The following CLNK variants were observed in gnomAD, a reference collection of about 807,000 sequenced individuals.
CLNK encodes cytokine-dependent hematopoietic cell linker.
Under a neutral mutation model 68.6 loss-of-function variants are expected in CLNK, and 74 were observed. That is an observed-to-expected ratio of 1.08 (90% CI 0.89 to 1.31). The LOEUF is 1.31. CLNK is among the 50% of genes most tolerant of loss of function. The probability of loss-of-function intolerance (pLI) is 0.00; values close to 1 mark genes in which losing one functional copy is unlikely to be tolerated. For synonymous variants in CLNK, 198 were observed against 172.2 expected, an observed-to-expected ratio of 1.15 and a Z score of -1.17; for missense variants, 553 against 515.3, an observed-to-expected ratio of 1.07 and a Z score of -0.71.
the CLNK span, among the ~76,000 whole-genome samples, chr4:10,714,203 G>T: frequency 6.6e-6 from 1 of 152,116 alleles, no homozygotes; most frequent in Non-Finnish European, 1.5e-5. Flanking sequence ...TCAAAATCAG[G>T]TTTGTGATTT....
rs1164521114 is a variant in CLNK at position 10,596,445 on chromosome 4, A to C, written c.83+1533T>G. Among the ~76,000 whole-genome samples the C allele has an allele frequency of 3.9e-5, 6 of 152,332 alleles. No homozygotes were observed. In the East Asian group the frequency reaches 1.2e-3, roughly 29 times the overall value. ...TCCTGATTCAATGGACTCATTCTAC[A>C]CTGCAATGCTGCCCATAAGTAGCTT... On this transcript the variant is annotated intron_variant, in intron 3 of 18. Coordinates refer to ENST00000226951, the MANE Select transcript of CLNK (RefSeq NM_052964.4).
At chr4:10,558,311 A>C (rs1719754113) in intron 8 of CLNK, 96 bp downstream of exon 8, 2 of 991,726 alleles carry the variant, frequency 2.0e-6, no homozygotes, top group African/African-American at 3.2e-5. Context: ...CTTGTGTAAG[A>C]TCACCCATGA....
chr4:10,585,017 A>C (rs937891203), intron 3 of CLNK, 62 bp from the exon 4 acceptor site: 28 of 1,565,842 alleles, frequency 1.8e-5, no homozygotes, highest in African/African-American at 2.7e-5. Flanking sequence ...ACCCCCCGCC[A>C]CATAGGAACA....
At chr4:10,638,198 T>C (rs1193298891) in intron 2 of CLNK, among the ~76,000 whole-genome samples, 2 of 152,180 alleles carry the variant, frequency 1.3e-5, no homozygotes, top group Non-Finnish European at 2.9e-5. Flanking sequence ...GACATTTCCT[T>C]ACCATACTGA....
intron 2 of CLNK, among the ~76,000 whole-genome samples, chr4:10,606,581 T>A (rs565244312): frequency 3.4e-4 from 52 of 152,382 alleles, no homozygotes; most frequent in Admixed American, 8.5e-4. Flanking sequence ...TTTTATATGC[T>A]GGCAGCACAG....
chr4:10,724,003 G>A, the CLNK span, among the ~76,000 whole-genome samples: 1 of 151,850 alleles, frequency 6.6e-6, no homozygotes, highest in Non-Finnish European at 1.5e-5. Flanking sequence ...AGCTATTTGA[G>A]CAGGAAGTTC....
At chr4:10,530,275 G>T (rs988972219) in intron 12 of CLNK, among the ~76,000 whole-genome samples, 1 of 152,144 alleles carries the variant, frequency 6.6e-6, no homozygotes, top group East Asian at 1.9e-4. Context: ...AGTACAAAAT[G>T]AGACAATGAG....
the CLNK span, among the ~76,000 whole-genome samples, chr4:10,718,538 A>G: frequency 2.4e-4 from 36 of 152,194 alleles, no homozygotes; most frequent in Middle Eastern, 3.4e-3. Context: ...AGCATTTTAT[A>G]TCTAGTAAAA....
At chr4:10,721,861 C>A in the CLNK span, among the ~76,000 whole-genome samples, 1 of 152,238 alleles carries the variant, frequency 6.6e-6, no homozygotes, top group Middle Eastern at 3.4e-3. Flanking sequence ...ATTGCCAAAG[C>A]CTGACATACT....
At chr4:10,498,024 T>C (rs1280670286) in intron 18 of CLNK, among the ~76,000 whole-genome samples, 2 of 152,148 alleles carry the variant, frequency 1.3e-5, no homozygotes, top group African/African-American at 2.4e-5. Context: ...GGAGCAACCC[T>C]GTCTCTATTA....
At chr4:10,726,554 A>G in the CLNK span, among the ~76,000 whole-genome samples, 65,682 of 152,042 alleles carry the variant, frequency 0.43, 15,023 homozygotes, top group East Asian at 0.69. Flanking sequence ...AGGTAAGGTT[A>G]CACTCCTAGG....
At chr4:10,672,800 C>A (rs567859313) in intron 1 of CLNK, among the ~76,000 whole-genome samples, 1 of 152,300 alleles carries the variant, frequency 6.6e-6, no homozygotes, top group South Asian at 2.1e-4. Flanking sequence ...GAGTGTCAGT[C>A]TATTCCCATC....
chr4:10,536,629 C>T (rs1478723694), intron 11 of CLNK, among the ~76,000 whole-genome samples: 1 of 152,138 alleles, frequency 6.6e-6, no homozygotes, highest in Non-Finnish European at 1.5e-5. Flanking sequence ...GGCACATGTG[C>T]CATCCACTGG....
the CLNK span, among the ~76,000 whole-genome samples, chr4:10,706,302 C>T: frequency 6.6e-6 from 1 of 152,152 alleles, no homozygotes. Flanking sequence ...GGCTGTGCTG[C>T]TATTACTATA....
At chr4:10,718,621 C>A in the CLNK span, among the ~76,000 whole-genome samples, 1 of 151,276 alleles carries the variant, frequency 6.6e-6, no homozygotes, top group Non-Finnish European at 1.5e-5. Context: ...TAGAAGAATT[C>A]GTCACTAGCA....
chr4:10,593,274 G>A (rs948168857), intron 3 of CLNK, among the ~76,000 whole-genome samples: 2 of 152,168 alleles, frequency 1.3e-5, no homozygotes, highest in Non-Finnish European at 2.9e-5. Flanking sequence ...GAGCAGTCAG[G>A]AGAGCGGGCA....
rs16870318 is a variant in CLNK at position 10,595,328 on chromosome 4, T to C, written c.83+2650A>G. Among the ~76,000 whole-genome samples, 949 of 152,312 alleles carry C rather than the reference T, an allele frequency of 6.2e-3. 18 individuals carry two copies. The East Asian group carries it at 0.066, about 11-fold the overall frequency. ...GCATATTGGGTGCTCAGTTATTGAG[T>C]GGAATTCGGATTTAATTGACAAATA... is the stretch of plus-strand genomic sequence containing the variant. On this transcript the variant is annotated intron_variant, in intron 3 of 18. Transcript: ENST00000226951.
At chr4:10,572,256 A>G (rs1720383093) in intron 4 of CLNK, among the ~76,000 whole-genome samples, 1 of 152,282 alleles carries the variant, frequency 6.6e-6, no homozygotes, top group Non-Finnish European at 1.5e-5. Context: ...GACAGAAGTC[A>G]TAGCTATTCA....
chr4:10,551,049 C>A (rs1193658616), intron 8 of CLNK, among the ~76,000 whole-genome samples: 1 of 152,156 alleles, frequency 6.6e-6, no homozygotes, highest in East Asian at 1.9e-4. Context: ...CTCAGGATTT[C>A]ATCGTGCCGC....
Sources: gnomAD v4.1 joint callset for allele counts (sites outside exome capture counted in the v4.1 genomes callset) on GRCh38, gnomAD v4.1.1 for gene constraint, MANE v1.5 for transcripts, NCBI Gene and HGNC (gene_info 2026-07-23, HGNC 2026-07-21) for gene names.